Variants in PTPRD observed in about 807,000 individuals in gnomAD.
The protein encoded by PTPRD is protein tyrosine phosphatase receptor type D.
In PTPRD, 34 loss-of-function variants were observed where a neutral mutation model predicts 214.5. The ratio of observed to expected loss-of-function variants is 0.16; its 90% confidence interval spans 0.12 to 0.21. The LOEUF (loss-of-function observed/expected upper bound fraction) is 0.21. Among genes scored for constraint, PTPRD ranks in the 10% least tolerant of loss-of-function variants. PTPRD has a pLI of 1.00. For synonymous variants in PTPRD, 1,128 were observed against 845.7 expected (o/e 1.33, Z -5.79); for missense variants, 2,545 against 2,398.7 (o/e 1.06, Z -1.27).
At chr9:9,962,188 T>C (rs891863957) in intron 4 of PTPRD, among the ~76,000 whole-genome samples, 2 of 152,090 alleles carry the variant, frequency 1.3e-5, no homozygotes, top group Non-Finnish European at 2.9e-5. Flanking sequence ...CAATGAAGGC[T>C]GAACATATCA....
intron 7 of PTPRD, among the ~76,000 whole-genome samples, chr9:9,619,573 TTAATA>T (rs1271244101): frequency 1.4e-5 from 2 of 146,208 alleles, no homozygotes; most frequent in Non-Finnish European, 3.0e-5. Context: ...TATGTCTAGA[TTAATA>T]TATCATATAT....
intron 7 of PTPRD, among the ~76,000 whole-genome samples, chr9:9,624,154 A>G (rs1016389801): frequency 2.0e-5 from 3 of 152,184 alleles, no homozygotes; most frequent in Admixed American, 6.5e-5. Context: ...GGATAAAGCA[A>G]GTCTTAATTG....
At chr9:9,205,723 T>C (rs1288181151) in intron 9 of PTPRD, among the ~76,000 whole-genome samples, 3 of 152,212 alleles carry the variant, frequency 2.0e-5, no homozygotes, top group African/African-American at 7.2e-5. Flanking sequence ...TATAACTATC[T>C]ATTTATCCAT....
intron 5 of PTPRD, among the ~76,000 whole-genome samples, chr9:9,826,716 A>G (rs551057774): frequency 3.3e-5 from 5 of 151,948 alleles, no homozygotes; most frequent in Non-Finnish European, 5.9e-5. Flanking sequence ...TTTTGCAAAG[A>G]GGGACAATTT....
At chr9:8,794,773 C>T (rs2096358990) in intron 11 of PTPRD, among the ~76,000 whole-genome samples, 1 of 151,616 alleles carries the variant, frequency 6.6e-6, no homozygotes, top group South Asian at 2.1e-4. Context: ...AAAGAGCAAA[C>T]CGAGGAGTAA....
At chr9:10,557,850 T>C (rs748236976) in intron 2 of PTPRD, among the ~76,000 whole-genome samples, 1 of 152,188 alleles carries the variant, frequency 6.6e-6, no homozygotes, top group African/African-American at 2.4e-5. Context: ...TATATTTATG[T>C]CACGTTCTAA....
chr9:10,052,868 A>T (rs2097559244), intron 3 of PTPRD, among the ~76,000 whole-genome samples: 1 of 152,092 alleles, frequency 6.6e-6, no homozygotes, highest in East Asian at 1.9e-4. Context: ...TATGGCAAAG[A>T]CATACTTAAC....
At chr9:9,694,820 T>C (rs574172042) in intron 7 of PTPRD, among the ~76,000 whole-genome samples, 13 of 152,180 alleles carry the variant, frequency 8.5e-5, no homozygotes, top group Admixed American at 5.9e-4. Context: ...TATTGGCTTG[T>C]GGTGAACGCT....
At chr9:8,573,668 C>G (rs940792628) in intron 14 of PTPRD, among the ~76,000 whole-genome samples, 3 of 151,818 alleles carry the variant, frequency 2.0e-5, no homozygotes, top group Non-Finnish European at 4.4e-5. Context: ...CTCCCTATAA[C>G]ATAAAAATGA....
chr9:8,821,933 G>A (rs2097075539), intron 11 of PTPRD, among the ~76,000 whole-genome samples: 1 of 152,194 alleles, frequency 6.6e-6, no homozygotes. Context: ...AAAGCACTGG[G>A]ATTACAGGCG....
At chr9:10,573,019 G>A (rs1591241513) in intron 2 of PTPRD, among the ~76,000 whole-genome samples, 1 of 152,048 alleles carries the variant, frequency 6.6e-6, no homozygotes, top group African/African-American at 2.4e-5. Context: ...TTCCAGATGG[G>A]AAAGTGATTG....
chr9:9,944,255 T>C (rs1452324023), intron 4 of PTPRD, among the ~76,000 whole-genome samples: 2 of 152,134 alleles, frequency 1.3e-5, no homozygotes, highest in Non-Finnish European at 2.9e-5. Context: ...ATAGTAGATA[T>C]CTACTTATAA....
chr9:9,658,571 C>T (rs2096565005), intron 7 of PTPRD, among the ~76,000 whole-genome samples: 1 of 152,104 alleles, frequency 6.6e-6, no homozygotes, highest in African/African-American at 2.4e-5. Flanking sequence ...CCAAGAAGAT[C>T]ACTTGTGAGA....
At chr9:9,227,378 T>G (rs2099960174) in intron 9 of PTPRD, among the ~76,000 whole-genome samples, 1 of 152,130 alleles carries the variant, frequency 6.6e-6, no homozygotes. Flanking sequence ...CCTCAGCCCC[T>G]AGCCTGGAGA....
Position 9,815,142 on chromosome 9 carries a change from T to C in PTPRD, c.-367-48291A>G, listed in dbSNP as rs140913996. 3.1e-3 allele frequency among the ~76,000 whole-genome samples: 465 copies of C among 152,212 alleles called. 4 individuals carry two copies. Among genetic ancestry groups the C allele is most frequent in the African/African-American group, 0.01 (433 of 41,542 alleles). ...AGCTATAGTAATAAAAAATATGATA[T>C]TGGCATAAAAACAGACACATAGACT... On this transcript the variant is annotated intron_variant, in intron 5 of 45. Transcript: ENST00000381196.
At chr9:10,058,523 T>C (rs935544786) in intron 3 of PTPRD, among the ~76,000 whole-genome samples, 1 of 152,138 alleles carries the variant, frequency 6.6e-6, no homozygotes, top group African/African-American at 2.4e-5. Flanking sequence ...ATGTTAATTT[T>C]GCCTCAATTT....
chr9:10,548,446 A>G (rs1398086855), intron 2 of PTPRD, among the ~76,000 whole-genome samples: 1 of 152,088 alleles, frequency 6.6e-6, no homozygotes, highest in Non-Finnish European at 1.5e-5. Context: ...TCACTATAGG[A>G]GCTTAAGTAC....
At chr9:9,660,506 T>C (rs550481570) in intron 7 of PTPRD, among the ~76,000 whole-genome samples, 2 of 152,120 alleles carry the variant, frequency 1.3e-5, no homozygotes, top group East Asian at 3.9e-4. Flanking sequence ...ATGTGGGTTA[T>C]ACTTGGGATA....
rs546642350 is a variant in PTPRD at position 10,138,876 on chromosome 9, T to C, written c.-544-105086A>G. ...CTTCATGAAGTAACCCTCAGCAAACTAAGCATTGAAGGAACATAGCTCAAA... is the reference window on the plus strand; with the variant it reads ...CTTCATGAAGTAACCCTCAGCAAACCAAGCATTGAAGGAACATAGCTCAAA... On this transcript the variant is annotated intron_variant, in intron 3 of 45. Coordinates refer to ENST00000381196, the MANE Select transcript of PTPRD (RefSeq NM_002839.4). Among the ~76,000 whole-genome samples the C allele has an allele frequency of 9.1e-4, 139 of 152,062 alleles. 1 individual carries two copies. The highest frequency in any genetic ancestry group is 2.0e-3 in the Admixed American group (31 of 15,234).
Sources: gnomAD v4.1 joint callset for allele counts (sites outside exome capture counted in the v4.1 genomes callset) on GRCh38, gnomAD v4.1.1 for gene constraint, MANE v1.5 for transcripts, NCBI Gene and HGNC (gene_info 2026-07-23, HGNC 2026-07-21) for gene names.